SLC12A8: variants seen among roughly 807,000 people sequenced by gnomAD.
The protein encoded by SLC12A8 is cation-chloride cotransporter 9.
In SLC12A8, 69 loss-of-function variants were observed where a neutral mutation model predicts 75.6. The ratio of observed to expected loss-of-function variants is 0.91; its 90% CI spans 0.75 to 1.11. The LOEUF is 1.11. Ranked by LOEUF, SLC12A8 falls within the 50% of genes most tolerant of loss-of-function variation. The pLI is 0.00. For missense variants in SLC12A8, 877 were observed against 896.7 expected (o/e 0.98, Z 0.28); for synonymous variants, 365 against 372.8 (o/e 0.98, Z 0.24).
At chr3:125,134,276 T>A (rs529477523) in intron 6 of SLC12A8, among the ~76,000 whole-genome samples, 13 of 151,786 alleles carry the variant, frequency 8.6e-5, no homozygotes, top group African/African-American at 2.4e-4. Flanking sequence ...TAATTTTTTT[T>A]TATATATATT....
In SLC12A8 at chr3:125,092,103, C is replaced by A; in HGVS notation, c.1801G>T (p.Gly601Trp). The A allele has an allele frequency of 6.2e-7, 1 of 1,608,998 alleles. No individual in the cohort carries two copies. Among genetic ancestry groups the A allele is most frequent in the South Asian group, 1.1e-5 (1 of 90,880 alleles). Residue 601 changes from glycine (G) to tryptophan (W), a missense_variant and splice_region_variant, in exon 11 of 14, where the codon GGG becomes TGG. Gly to Trp is a radical substitution (Grantham distance 184). Coordinates refer to ENST00000469902, the MANE Select transcript of SLC12A8 (RefSeq NM_024628.6). ...GAGATCAAGATGAAGTTACTCACCC[C>A]CAACAGGGAGACCCAGGGGTTGCAC... The part of the protein sequence containing the change: ...HMCNPWVSLL[G>W]AVGSLLIMFV...
intron 10 of SLC12A8, among the ~76,000 whole-genome samples, chr3:125,092,714 C>T (rs1938616226): frequency 6.6e-6 from 1 of 152,116 alleles, no homozygotes; most frequent in South Asian, 2.1e-4. Context: ...CTGATTCCTT[C>T]CTCTGGCAAT....
At chr3:125,132,431 A>G (rs1933382740) in intron 6 of SLC12A8, among the ~76,000 whole-genome samples, 1 of 152,182 alleles carries the variant, frequency 6.6e-6, no homozygotes, top group Non-Finnish European at 1.5e-5. Flanking sequence ...CTGGGACCAG[A>G]GTGGTCAGGT....
At chr3:125,206,304 C>T (rs1276280315) in intron 2 of SLC12A8, among the ~76,000 whole-genome samples, 1 of 152,178 alleles carries the variant, frequency 6.6e-6, no homozygotes, top group African/African-American at 2.4e-5. Context: ...GGCCAGTAGC[C>T]TTGCTTCTAA....
chr3:125,198,967 A>T (rs1035552458), intron 2 of SLC12A8, among the ~76,000 whole-genome samples: 4 of 151,848 alleles, frequency 2.6e-5, no homozygotes, highest in South Asian at 2.1e-4. Context: ...TTTAGTAGAG[A>T]TGGGGTTTCA....
chr3:125,093,675 T>C (rs1306893491), intron 10 of SLC12A8, among the ~76,000 whole-genome samples: 1 of 152,230 alleles, frequency 6.6e-6, no homozygotes, highest in African/African-American at 2.4e-5. Context: ...GTATACTTAT[T>C]TACATGTTTC....
intron 4 of SLC12A8, among the ~76,000 whole-genome samples, chr3:125,179,989 A>T (rs1294822409): frequency 1.3e-5 from 2 of 152,212 alleles, no homozygotes; most frequent in Non-Finnish European, 2.9e-5. Context: ...CATGCAGAGG[A>T]TGATGCCATG....
intron 5 of SLC12A8, among the ~76,000 whole-genome samples, chr3:125,148,855 T>C (rs1162464542): frequency 6.6e-6 from 1 of 152,176 alleles, no homozygotes; most frequent in Non-Finnish European, 1.5e-5. Flanking sequence ...CCCAAAATGG[T>C]GAAGCCAGAA....
intron 9 of SLC12A8, 22 bp downstream of exon 9, chr3:125,110,167 C>T (rs775388522): frequency 1.3e-6 from 2 of 1,598,654 alleles, no homozygotes; most frequent in Admixed American, 3.4e-5. Flanking sequence ...AAAAAACAAA[C>T]CAAAAAAAGA....
At chr3:125,091,379 T>C (rs1207800581) in intron 12 of SLC12A8, 60 bp downstream of exon 12, 2 of 1,121,394 alleles carry the variant, frequency 1.8e-6, no homozygotes, top group African/African-American at 3.1e-5. Context: ...AAATCTTTTT[T>C]TTCCCAATGA....
chr3:125,135,239 G>A (rs1933457355), intron 6 of SLC12A8, among the ~76,000 whole-genome samples: 1 of 152,232 alleles, frequency 6.6e-6, no homozygotes, highest in Admixed American at 6.5e-5. Flanking sequence ...GTACGGGTAG[G>A]GGGAAGGGAA....
intron 5 of SLC12A8, among the ~76,000 whole-genome samples, chr3:125,176,525 G>A (rs948082205): frequency 1.3e-5 from 2 of 152,190 alleles, no homozygotes; most frequent in Admixed American, 6.5e-5. Flanking sequence ...ACCACCATCA[G>A]AGTGAACAGG....
intron 10 of SLC12A8, 63 bp downstream of exon 10, chr3:125,107,418 T>C: frequency 1.4e-6 from 2 of 1,422,244 alleles, no homozygotes; most frequent in South Asian, 2.7e-5. Flanking sequence ...AATAACTGGG[T>C]AGGTAGGATA....
chr3:125,134,248 T>C (rs1175929530), intron 6 of SLC12A8, among the ~76,000 whole-genome samples: 1 of 140,246 alleles, frequency 7.1e-6, no homozygotes, highest in Non-Finnish European at 1.6e-5. Context: ...ACTACAGGCA[T>C]GCACCACCAT....
intron 4 of SLC12A8, among the ~76,000 whole-genome samples, chr3:125,180,281 T>C (rs898553208): frequency 2.0e-5 from 3 of 152,202 alleles, no homozygotes; most frequent in Non-Finnish European, 4.4e-5. Flanking sequence ...GGCCAAATCC[T>C]GGCTGACTTG....
At chr3:125,167,634 G>A (rs892362639) in intron 5 of SLC12A8, among the ~76,000 whole-genome samples, 1 of 152,212 alleles carries the variant, frequency 6.6e-6, no homozygotes, top group Non-Finnish European at 1.5e-5. Context: ...TAACCAATGA[G>A]AAAACCAAAG....
intron 5 of SLC12A8, among the ~76,000 whole-genome samples, chr3:125,146,122 G>A (rs990126744): frequency 6.6e-6 from 1 of 152,204 alleles, no homozygotes; most frequent in Admixed American, 6.5e-5. Context: ...GAGCCACTGC[G>A]CCTGGCCCAA....
intron 9 of SLC12A8, among the ~76,000 whole-genome samples, chr3:125,109,151 C>T (rs1260619191): frequency 2.0e-5 from 3 of 152,182 alleles, no homozygotes; most frequent in Non-Finnish European, 4.4e-5. Context: ...GCTGCTCCTT[C>T]TTGGTTTCTG....
chr3:125,162,607 G>A (rs887402968), intron 5 of SLC12A8, among the ~76,000 whole-genome samples: 1 of 152,214 alleles, frequency 6.6e-6, no homozygotes, highest in Non-Finnish European at 1.5e-5. Flanking sequence ...GAACTTTCTT[G>A]TCACAGCCAA....
Sources: allele counts gnomAD v4.1 joint callset (sites outside exome capture counted in the v4.1 genomes callset), GRCh38; gene constraint gnomAD v4.1.1; transcripts MANE v1.5; gene names NCBI Gene and HGNC (gene_info 2026-07-23, HGNC 2026-07-21).